Variants in OPCML observed in about 807,000 individuals in gnomAD.
OPCML encodes the protein opioid-binding protein/cell adhesion molecule.
OPCML carries 13 observed loss-of-function variants against 37.8 expected under a neutral mutation model. The observed-to-expected ratio is 0.34, with a 90% CI of 0.22 to 0.55. OPCML has a LOEUF of 0.55. Ranked by LOEUF, OPCML falls within the 20% of genes least tolerant of loss-of-function variation. The pLI, the probability that OPCML is intolerant of heterozygous loss-of-function variation, is 0.91. For synonymous variants in OPCML, 176 were observed against 168.8 expected (o/e 1.04, Z -0.33); for missense variants, 341 against 435.6 (o/e 0.78, Z 1.93).
At chr11:132,595,202 G>A (rs571566912) in intron 3 of OPCML, among the ~76,000 whole-genome samples, 2 of 152,210 alleles carry the variant, frequency 1.3e-5, no homozygotes, top group African/African-American at 2.4e-5. Flanking sequence ...AAGGGGAGGG[G>A]GAGGTCGGGG....
chr11:133,414,801 C>T (rs1202683046), intron 1 of OPCML, among the ~76,000 whole-genome samples: 1 of 152,134 alleles, frequency 6.6e-6, no homozygotes, highest in Admixed American at 6.5e-5. Flanking sequence ...TGTCTCTCAA[C>T]CCCAGTATTC....
intron 4 of OPCML, among the ~76,000 whole-genome samples, chr11:132,511,771 A>G (rs1017552434): frequency 6.6e-6 from 1 of 151,976 alleles, no homozygotes; most frequent in African/African-American, 2.4e-5. Context: ...CTTACAGCTA[A>G]ACAAAAAAGT....
At chr11:132,689,044 G>C (rs1943297860) in intron 2 of OPCML, among the ~76,000 whole-genome samples, 1 of 151,620 alleles carries the variant, frequency 6.6e-6, no homozygotes, top group Non-Finnish European at 1.5e-5. Context: ...AGCTGACTGT[G>C]CTCTTTGAGC....
At chr11:133,063,990 G>A (rs1303137997) in intron 1 of OPCML, among the ~76,000 whole-genome samples, 1 of 152,256 alleles carries the variant, frequency 6.6e-6, no homozygotes, top group Non-Finnish European at 1.5e-5. Context: ...GTCAGTTGCA[G>A]ACAGGGCTGG....
chr11:133,080,209 C>T (rs1381493144), intron 1 of OPCML, among the ~76,000 whole-genome samples: 2 of 152,260 alleles, frequency 1.3e-5, no homozygotes, highest in East Asian at 1.9e-4. Flanking sequence ...AATCAACCTG[C>T]GGGACTGTAG....
intron 2 of OPCML, among the ~76,000 whole-genome samples, chr11:132,727,447 TG>T (rs1944926351): frequency 6.6e-6 from 1 of 152,194 alleles, no homozygotes; most frequent in African/African-American, 2.4e-5. Context: ...AGGGCTCTCC[TG>T]GGGAGGAAAG....
chr11:132,875,505 C>A (rs1942975441), intron 2 of OPCML, among the ~76,000 whole-genome samples: 1 of 145,904 alleles, frequency 6.9e-6, no homozygotes, highest in South Asian at 2.2e-4. Flanking sequence ...TCTCTTGTTG[C>A]CCAGGCTGGA....
chr11:132,749,006 C>G (rs575220424), intron 2 of OPCML, among the ~76,000 whole-genome samples: 1 of 152,254 alleles, frequency 6.6e-6, no homozygotes, highest in South Asian at 2.1e-4. Flanking sequence ...ATCCTCTATA[C>G]TGAAATCCCA....
At chr11:133,469,257 A>G (rs1180246323) in intron 1 of OPCML, among the ~76,000 whole-genome samples, 2 of 152,216 alleles carry the variant, frequency 1.3e-5, no homozygotes, top group Non-Finnish European at 2.9e-5. Flanking sequence ...TCATAATATT[A>G]TAATATGGTA....
At chr11:132,809,219 CTCATTTCCCAT>C (rs1939188029) in intron 2 of OPCML, among the ~76,000 whole-genome samples, 1 of 152,204 alleles carries the variant, frequency 6.6e-6, no homozygotes, top group Non-Finnish European at 1.5e-5. Context: ...GCATACGTGG[CTCATTTCCCAT>C]TCATTTCCCT....
At chr11:133,171,008 G>A (rs1950281454) in intron 1 of OPCML, among the ~76,000 whole-genome samples, 1 of 152,222 alleles carries the variant, frequency 6.6e-6, no homozygotes, top group Admixed American at 6.5e-5. Context: ...CAGATAGACT[G>A]TAGGAATGAG....
chr11:133,047,111 C>T (rs906353244), intron 1 of OPCML, among the ~76,000 whole-genome samples: 2 of 152,184 alleles, frequency 1.3e-5, no homozygotes, highest in Non-Finnish European at 2.9e-5. Flanking sequence ...TCACACAGAC[C>T]TCATGGAGGA....
At chr11:133,221,416 T>G (rs1417225796) in intron 1 of OPCML, among the ~76,000 whole-genome samples, 1 of 152,220 alleles carries the variant, frequency 6.6e-6, no homozygotes, top group Non-Finnish European at 1.5e-5. Context: ...GAGACTCAGT[T>G]TCCTCTTTCG....
chr11:133,035,634 GC>G (rs558136887), intron 1 of OPCML, among the ~76,000 whole-genome samples: 1 of 151,954 alleles, frequency 6.6e-6, no homozygotes, highest in African/African-American at 2.4e-5. Context: ...ACTGAATCGT[GC>G]CCCCCCAAAA....
At chr11:133,065,816 C>T (rs539586897) in intron 1 of OPCML, 1 of 152,636 alleles carries the variant, frequency 6.6e-6, no homozygotes, top group South Asian at 2.1e-4. Context: ...ACCCGAGGCT[C>T]CTGCTGCTGC....
At chr11:133,151,489 T>C (rs1049078472) in intron 1 of OPCML, among the ~76,000 whole-genome samples, 5 of 152,018 alleles carry the variant, frequency 3.3e-5, no homozygotes, top group African/African-American at 4.8e-5. Context: ...TTTTAAAAGC[T>C]AGAAGAGCCT....
chr11:132,799,653 T>C (rs1192206214), intron 2 of OPCML, among the ~76,000 whole-genome samples: 1 of 151,914 alleles, frequency 6.6e-6, no homozygotes, highest in East Asian at 1.9e-4. Context: ...CACCGAGACA[T>C]TAAGCGAGCA....
intron 1 of OPCML, among the ~76,000 whole-genome samples, chr11:133,488,989 C>T (rs1191905847): frequency 1.4e-5 from 2 of 144,132 alleles, no homozygotes; most frequent in African/African-American, 5.2e-5. Flanking sequence ...GAAAGGACAC[C>T]CTCTTCACTA....
intron 1 of OPCML, among the ~76,000 whole-genome samples, chr11:133,169,808 A>T (rs1442784429): frequency 6.6e-6 from 1 of 152,194 alleles, no homozygotes; most frequent in Non-Finnish European, 1.5e-5. Context: ...TTGGGGGCCC[A>T]CTTAGAATGG....
Sources: allele counts gnomAD v4.1 joint callset (sites outside exome capture counted in the v4.1 genomes callset), GRCh38; gene constraint gnomAD v4.1.1; transcripts MANE v1.5; gene names NCBI Gene and HGNC (gene_info 2026-07-23, HGNC 2026-07-21).